The following SSH2 variants were observed in gnomAD, a reference collection of about 807,000 sequenced individuals.
SSH2 encodes the protein slingshot protein phosphatase 2.
SSH2 carries 37 observed loss-of-function variants against 135.2 expected under a neutral mutation model. The ratio of observed to expected loss-of-function variants is 0.27; its 90% confidence interval spans 0.21 to 0.36. SSH2 has a LOEUF of 0.36. SSH2 is among the 10% of genes least tolerant of loss of function. SSH2 has a pLI of 1.00. For missense variants in SSH2, 1,408 were observed against 1,765.3 expected (o/e 0.80, Z 3.63); for synonymous variants, 628 against 646.2 (o/e 0.97, Z 0.43).
In SSH2 at chr17:29,631,008, C is replaced by T. The variant is rs766639208; in HGVS notation, c.4186G>A (p.Glu1396Lys). 4 of 1,613,970 alleles carry T rather than the reference C, an allele frequency of 2.5e-6. No individual in the cohort carries two copies. In the South Asian group the frequency reaches 4.4e-5, roughly 18 times the overall value. Reference protein sequence around the residue: ...PRAGLELTSSEGGLPVLQTQG... With the variant: ...PRAGLELTSSKGGLPVLQTQG... ...GTCTGTAGCACGGGAAGGCCTCCTT[C>T]AGAACTAGTCAATTCAAGTCCTGCC... The change falls in exon 16 of 16, where the codon GAA becomes AAA. Residue 1396 changes from glutamate (E) to lysine (K), a missense_variant. Glu to Lys is a moderately conservative substitution (Grantham distance 56). Coordinates refer to ENST00000540801, the MANE Select transcript of SSH2 (RefSeq NM_001282129.2).
intron 1 of SSH2, among the ~76,000 whole-genome samples, chr17:29,917,287 T>C (rs1357939694): frequency 3.3e-5 from 5 of 152,250 alleles, no homozygotes; most frequent in Non-Finnish European, 7.3e-5. Flanking sequence ...TTTTGCTAAC[T>C]GCAAAGATAT....
intron 3 of SSH2, among the ~76,000 whole-genome samples, chr17:29,778,840 A>G (rs1488519370): frequency 3.9e-5 from 5 of 126,752 alleles, no homozygotes; most frequent in Non-Finnish European, 8.1e-5. Flanking sequence ...TCTCCCAAAA[A>G]AAAAAAAAAA....
chr17:29,679,128 G>A (rs1443308963), intron 6 of SSH2, among the ~76,000 whole-genome samples: 1 of 152,092 alleles, frequency 6.6e-6, no homozygotes, highest in Non-Finnish European at 1.5e-5. Flanking sequence ...TCTCTTCTCT[G>A]GGAAACAGTA....
chr17:29,638,117 TAAAC>T (rs1301698797), intron 14 of SSH2, among the ~76,000 whole-genome samples: 1 of 151,740 alleles, frequency 6.6e-6, no homozygotes, highest in Non-Finnish European at 1.5e-5. Context: ...CCATCTCAAA[TAAAC>T]AAACAAATAA....
chr17:29,887,854 A>G (rs913991627), intron 1 of SSH2, among the ~76,000 whole-genome samples: 1 of 152,226 alleles, frequency 6.6e-6, no homozygotes, highest in African/African-American at 2.4e-5. Context: ...ATGTGAAGAA[A>G]ACATTTCCTT....
chr17:29,745,953 C>T (rs1460320479), intron 3 of SSH2, among the ~76,000 whole-genome samples: 2 of 152,048 alleles, frequency 1.3e-5, no homozygotes, highest in Non-Finnish European at 2.9e-5. Context: ...TAACAAATGG[C>T]AAGTAGTTAT....
intron 1 of SSH2, among the ~76,000 whole-genome samples, chr17:29,898,882 A>G (rs992847863): frequency 6.6e-6 from 1 of 152,232 alleles, no homozygotes; most frequent in Non-Finnish European, 1.5e-5. Context: ...AATCCTGAAT[A>G]AAATACTGGC....
At chr17:29,655,112 T>C (rs901974687) in intron 12 of SSH2, among the ~76,000 whole-genome samples, 8 of 149,220 alleles carry the variant, frequency 5.4e-5, no homozygotes, top group Non-Finnish European at 7.5e-5. Flanking sequence ...TTTCTTTTTC[T>C]TTTTTTTTTG....
At chr17:29,802,098 G>T (rs1328003403) in intron 2 of SSH2, among the ~76,000 whole-genome samples, 1 of 152,066 alleles carries the variant, frequency 6.6e-6, no homozygotes, top group African/African-American at 2.4e-5. Flanking sequence ...CTAGCTTTAA[G>T]CAATCCTCCC....
intron 3 of SSH2, chr17:29,777,638 G>T: frequency 6.5e-6 from 1 of 153,054 alleles, no homozygotes; most frequent in Non-Finnish European, 1.5e-5. Flanking sequence ...GCTACTGGTT[G>T]ATCTTACATT....
At chr17:29,904,665 A>G (rs1449219709) in intron 1 of SSH2, among the ~76,000 whole-genome samples, 1 of 152,198 alleles carries the variant, frequency 6.6e-6, no homozygotes, top group African/African-American at 2.4e-5. Context: ...ATCAGGCAAG[A>G]GAAAGAAATA....
intron 1 of SSH2, among the ~76,000 whole-genome samples, chr17:29,918,553 G>T (rs1474481109): frequency 1.3e-5 from 2 of 152,186 alleles, no homozygotes; most frequent in Non-Finnish European, 2.9e-5. Context: ...CTTATTTTCT[G>T]CACTTTACAT....
chr17:29,779,136 A>G (rs1376823964), intron 3 of SSH2, among the ~76,000 whole-genome samples: 3 of 151,946 alleles, frequency 2.0e-5, no homozygotes, highest in African/African-American at 4.8e-5. Context: ...GGGAGGGAGG[A>G]AGGAAGGCTG....
chr17:29,634,536 T>G (rs891359069), intron 15 of SSH2, among the ~76,000 whole-genome samples: 1 of 135,868 alleles, frequency 7.4e-6, no homozygotes, highest in African/African-American at 2.7e-5. Flanking sequence ...CAAATTCATT[T>G]CCTTTTGATT....
At position 29,627,226 on chromosome 17, in the gene SSH2, G is replaced by A. The variant is rs552989929; in HGVS notation, c.*3615C>T. ...AATAGTCCAAAAAAGCCAAAGAATG[G>A]CTTTACTTAAAAATTTTTAAATGCC... On this transcript the variant is annotated 3_prime_UTR_variant, in exon 16 of 16. Transcript: ENST00000540801. 6 of 152,676 alleles carry A rather than the reference G, an allele frequency of 3.9e-5. No individual in the cohort carries two copies. Among genetic ancestry groups the A allele is most frequent in the Non-Finnish European group, 7.4e-5 (5 of 67,994 alleles). The allele number at this position is 152,676 out of a possible 1,614,324, so 9.5% of individuals were successfully genotyped here.
At chr17:29,913,347 A>AAAAAAAAATTAT in intron 1 of SSH2, among the ~76,000 whole-genome samples, 1 of 28,778 alleles carries the variant, frequency 3.5e-5, no homozygotes, top group Non-Finnish European at 5.9e-5. Flanking sequence ...AAAAAAAAAA[A>AAAAAAAAATTAT]ATATATATAT....
At chr17:29,680,366 G>A (rs570191413) in intron 6 of SSH2, among the ~76,000 whole-genome samples, 38 of 151,570 alleles carry the variant, frequency 2.5e-4, no homozygotes, top group Admixed American at 3.3e-4. Flanking sequence ...CCAACATGGC[G>A]AAACTCCATC....
At chr17:29,763,495 TAAAA>T (rs541851534) in intron 3 of SSH2, among the ~76,000 whole-genome samples, 1 of 135,548 alleles carries the variant, frequency 7.4e-6, no homozygotes, top group Non-Finnish European at 1.6e-5. Flanking sequence ...CTGCTGTGAT[TAAAA>T]AAAAAAAAAA....
chr17:29,824,691 T>C (rs943103109), intron 2 of SSH2, among the ~76,000 whole-genome samples: 3 of 152,140 alleles, frequency 2.0e-5, no homozygotes, highest in African/African-American at 4.8e-5. Context: ...CAGTAGAGAA[T>C]GGATATAGGG....
Sources: allele counts gnomAD v4.1 joint callset (sites outside exome capture counted in the v4.1 genomes callset), GRCh38; gene constraint gnomAD v4.1.1; transcripts MANE v1.5; gene names NCBI Gene and HGNC (gene_info 2026-07-23, HGNC 2026-07-21).